The following MYBPC3 variants were observed in gnomAD, a reference collection of about 807,000 sequenced individuals.
MYBPC3 encodes myosin binding protein C3.
Under a neutral mutation model 159.3 loss-of-function variants are expected in MYBPC3, and 108 were observed. That is an observed-to-expected ratio of 0.68 (90% CI 0.58 to 0.80). The LOEUF is 0.80. Among genes scored for constraint, MYBPC3 ranks in the 30% least tolerant of loss-of-function variants. MYBPC3 has a pLI of 0.00. For missense variants in MYBPC3, 1,631 were observed against 1,762.1 expected (o/e 0.93, Z 1.33); for synonymous variants, 730 against 702.0 (o/e 1.04, Z -0.63).
chr11:47,333,915 G>C lies in MYBPC3; in HGVS notation c.2994+7C>G. 6.4e-7 allele frequency: 1 copy of C among 1,567,322 alleles called. No individual in the cohort carries two copies. Among genetic ancestry groups the C allele is most frequent in the South Asian group, 1.2e-5 (1 of 85,208 alleles). On this transcript the variant is annotated splice_region_variant and intron_variant, in intron 28 of 34. Transcript: ENST00000545968. The stretch of plus-strand genomic sequence containing the variant: ...CCCTGGGGGACAGGGAAGGGGGCCA[G>C]TCCCACCTGGAAAGGGATGAGAAGG...
At chr11:47,349,401 C>A (rs2142867286) in intron 5 of MYBPC3, among the ~76,000 whole-genome samples, 1 of 152,248 alleles carries the variant, frequency 6.6e-6, no homozygotes, top group South Asian at 2.1e-4. Flanking sequence ...GATACTCACC[C>A]ATCCAGGGGC....
At chr11:47,352,108 C>T (rs933392315) in intron 1 of MYBPC3, among the ~76,000 whole-genome samples, 1 of 152,044 alleles carries the variant, frequency 6.6e-6, no homozygotes, top group South Asian at 2.1e-4. Context: ...GTGTCACCCT[C>T]AACATGGGGG....
intron 20 of MYBPC3, 23 bp from the exon 21 acceptor site, chr11:47,339,813 C>T: frequency 6.2e-7 from 1 of 1,605,894 alleles, no homozygotes. Flanking sequence ...CAATGTAGTT[C>T]AGAGAAACGG....
Position 47,335,903 on chromosome 11 carries a change from T to C in MYBPC3, c.2711A>G (p.Tyr904Cys). Reference protein sequence around the residue: ...ERVGAGGLDGYSVEYCPEGCS... With the variant: ...ERVGAGGLDGCSVEYCPEGCS... Reference sequence around the variant, plus strand: ...GCCCTCTGGGCAGTACTCCACGCTGTAGCCATCCAGGCCTCCTGCTCCCAC... The same window carrying C: ...GCCCTCTGGGCAGTACTCCACGCTGCAGCCATCCAGGCCTCCTGCTCCCAC... The change falls in exon 26 of 35, where the codon TAC becomes TGC. Residue 904 changes from tyrosine to cysteine, a missense_variant. Tyr to Cys is a radical substitution (Grantham distance 194, BLOSUM62 -2). Transcript: ENST00000545968. 1 of 1,540,378 alleles carries C rather than the reference T, an allele frequency of 6.5e-7. No individual in the cohort carries two copies.
intron 20 of MYBPC3, among the ~76,000 whole-genome samples, chr11:47,340,227 GCA>G (rs960597901): frequency 5.2e-5 from 7 of 135,858 alleles, no homozygotes; most frequent in Non-Finnish European, 9.2e-5. Flanking sequence ...ATACATACAC[GCA>G]CACACACAGA....
Position 47,332,510 on chromosome 11 carries a change from G to A in MYBPC3, c.3627+56C>T, listed in dbSNP as rs908742493. The A allele has an allele frequency of 1.0e-5, 16 of 1,574,318 alleles. No individual in the cohort carries two copies. In the Admixed American group the frequency reaches 1.8e-4, roughly 18 times the overall value. On this transcript the variant is annotated intron_variant, in intron 32 of 34. Coordinates refer to ENST00000545968, the MANE Select transcript of MYBPC3 (RefSeq NM_000256.3). The surrounding 1 kb of genome is among the most constrained non-coding windows in gnomAD (Gnocchi z 4.2). ...GCTGGGGAGAGGACTGCTCAACGTC[G>A]GGGCCTGTGAGCCCTGCCTCCTGGT...
At chr11:47,348,356 GA>G in intron 6 of MYBPC3, 67 bp downstream of exon 6, 4 of 1,187,394 alleles carry the variant, frequency 3.4e-6, no homozygotes, top group Non-Finnish European at 2.4e-6. Flanking sequence ...TTAGTGTTGG[GA>G]AAAGGAGGTA....
At chr11:47,352,125 C>T (rs1026768230) in intron 1 of MYBPC3, among the ~76,000 whole-genome samples, 5 of 152,088 alleles carry the variant, frequency 3.3e-5, no homozygotes, top group Admixed American at 3.3e-4. Flanking sequence ...GGGGCCACAC[C>T]GTACAGGCTC....
At chr11:47,340,072 A>G (rs1449755779) in intron 20 of MYBPC3, among the ~76,000 whole-genome samples, 1 of 151,934 alleles carries the variant, frequency 6.6e-6, no homozygotes, top group Non-Finnish European at 1.5e-5. Flanking sequence ...GCATTTTGAA[A>G]ACTGGGGGAA....
intron 23 of MYBPC3, 55 bp from the exon 24 acceptor site, chr11:47,337,849 A>T (rs1318259998): frequency 1.4e-6 from 2 of 1,476,700 alleles, no homozygotes; most frequent in Non-Finnish European, 1.8e-6. Flanking sequence ...GGCCTTGAGT[A>T]ACGTTGCTCG....
chr11:47,332,446 T>G lies in MYBPC3; in HGVS notation c.3627+120A>C. The stretch of plus-strand genomic sequence containing the variant: ...GCCCTGCCCAGGGGGAGGAACCCGG[T>G]CCATACACCCCAAGGTGGAGAGAAA... On this transcript the variant is annotated intron_variant, in intron 32 of 34. Coordinates refer to ENST00000545968, the MANE Select transcript of MYBPC3 (RefSeq NM_000256.3). This position sits in a 1 kb window ranked among gnomAD's most constrained non-coding sequence, Gnocchi z 4.2. 6.7e-7 allele frequency: 1 copy of G among 1,482,738 alleles called. No individual in the cohort carries two copies. Among genetic ancestry groups the G allele is most frequent in the African/African-American group, 1.4e-5 (1 of 71,576 alleles). 91.8% of individuals were successfully genotyped at this position (1,482,738 alleles called of 1,614,324 possible).
intron 6 of MYBPC3, 87 bp from the exon 7 acceptor site, chr11:47,347,992 TCA>T: frequency 7.7e-7 from 1 of 1,295,932 alleles, no homozygotes; most frequent in Admixed American, 2.0e-5. Flanking sequence ...CTCTGAGTAT[TCA>T]CAGACTTGCC....
Position 47,342,604 on chromosome 11 carries a change from T to C in MYBPC3, c.1598A>G (p.Gln533Arg), listed in dbSNP as rs2095889836. The C allele has an allele frequency of 6.2e-7, 1 of 1,610,838 alleles. No homozygotes were observed. The highest frequency in any genetic ancestry group is 2.2e-5 in the East Asian group (1 of 44,838). Residue 533 changes from glutamine (Q) to arginine (R), a missense_variant, in exon 17 of 35, where the codon CAG becomes CGG. Transcript: ENST00000545968. ...CTGCACAATGAGCTCAGCCAGCGCC[T>C]GGCCCCCGCTAGTGCACAGTGCATA... ...GHYALCTSGG[Q>R]ALAELIVQEK...
At position 47,332,126 on chromosome 11, in the gene MYBPC3, T is replaced by C; in HGVS notation, c.3760A>G (p.Arg1254Gly). 1 of 1,613,660 alleles carries C rather than the reference T, an allele frequency of 6.2e-7. No homozygotes were observed. The highest frequency in any genetic ancestry group is 1.3e-5 in the African/African-American group (1 of 75,082). ...GCCTCGCCCTGTAAGTTGGTGGCCC[T>C]GCAGACATAGATGCCCCCGTCAAAG... ...CPFDGGIYVC[R>G]ATNLQGEARC... Residue 1254 changes from arginine (R) to glycine (G), a missense_variant, in exon 33 of 35, where the codon AGG becomes GGG. Coordinates refer to ENST00000545968, the MANE Select transcript of MYBPC3 (RefSeq NM_000256.3). The surrounding 1 kb of genome is among the most constrained non-coding windows in gnomAD (Gnocchi z 4.2).
chr11:47,349,804 C>G lies in MYBPC3; in HGVS notation c.624G>C (p.Gln208His), dbSNP rs202139499. The G allele has an allele frequency of 1.3e-4, 209 of 1,609,666 alleles. 3 individuals carry two copies. In the Middle Eastern group the frequency reaches 3.0e-3, roughly 23 times the overall value. Residue 208 changes from glutamine (Q) to histidine (H), a missense_variant, in exon 5 of 35, where the codon CAG (glutamine) becomes CAC (histidine). By Grantham distance (24) the Gln-to-His change is conservative. Coordinates refer to ENST00000545968, the MANE Select transcript of MYBPC3 (RefSeq NM_000256.3). ...TGGCGCGGTCGTAGCTGTCGTGCAG[C>G]TGCAGGTGCTGGCCCACCTTGCTGC... ...DLSSKVGQHL[Q>H]LHDSYDRASK...
Position 47,332,081 on chromosome 11 carries a change from C to T in MYBPC3, c.3805G>A (p.Glu1269Lys). The T allele has an allele frequency of 6.2e-7, 1 of 1,610,206 alleles. No individual in the cohort carries two copies. Among genetic ancestry groups the T allele is most frequent in the African/African-American group, 1.3e-5 (1 of 74,962 alleles). ...QGEARCECRLEVRVPQ is the reference protein window; with the variant it reads ...QGEARCECRLKVRVPQ ...CCCGAGGGCTCCTCACCTCGCACCT[C>T]CAGGCGGCACTCACACCGTGCCTCG... is the stretch of plus-strand genomic sequence containing the variant. Residue 1269 changes from glutamate (E) to lysine (K), a missense_variant, in exon 33 of 35, where the codon GAG (glutamate) becomes AAG (lysine). Coordinates refer to ENST00000545968, the MANE Select transcript of MYBPC3 (RefSeq NM_000256.3). The surrounding 1 kb of genome is among the most constrained non-coding windows in gnomAD (Gnocchi z 4.2).
rs370952321 is a variant in MYBPC3 at position 47,332,958 on chromosome 11, A to C, written c.3346T>G (p.Leu1116Val). ...CAGTGGGTGCGGCGGTAATGCTCCA[A>C]GACGGTGAACCACTCCTGGGGGCAG... ...DKKTMEWFTV[L>V]EHYRRTHCVV... is the part of the protein sequence containing the mutation. The change falls in exon 31 of 35, where the codon TTG becomes GTG. Residue 1116 changes from leucine to valine, a missense_variant. Physicochemically the swap from Leu to Val is conservative, Grantham distance 32. Coordinates refer to ENST00000545968, the MANE Select transcript of MYBPC3 (RefSeq NM_000256.3). This position sits in a 1 kb window ranked among gnomAD's most constrained non-coding sequence, Gnocchi z 4.2. The C allele has an allele frequency of 1.2e-6, 2 of 1,610,420 alleles. No individual in the cohort carries two copies. The highest frequency in any genetic ancestry group is 1.7e-5 in the Admixed American group (1 of 59,568).
intron 2 of MYBPC3, 147 bp from the exon 3 acceptor site, chr11:47,350,762 CAG>C: frequency 7.8e-7 from 1 of 1,285,978 alleles, no homozygotes; most frequent in Non-Finnish European, 1.0e-6. Context: ...CCCTCAGAGG[CAG>C]CTCATGCTGA....
In MYBPC3 at chr11:47,346,121, G is replaced by A; in HGVS notation, c.1090+86C>T. 1 of 1,554,548 alleles carries A rather than the reference G, an allele frequency of 6.4e-7. No homozygotes were observed. ...CTGTGCCCTCTCCTCTCCCCTGTGG[G>A]GAAGGGCTAACCTATGCCCTCTCCT... On this transcript the variant is annotated intron_variant, in intron 12 of 34. Coordinates refer to ENST00000545968, the MANE Select transcript of MYBPC3 (RefSeq NM_000256.3). The surrounding 1 kb of genome is among the most constrained non-coding windows in gnomAD (Gnocchi z 5.3).
Sources: gnomAD v4.1 joint callset for allele counts (sites outside exome capture counted in the v4.1 genomes callset) on GRCh38, gnomAD v4.1.1 for gene constraint, Gnocchi (gnomAD v3.1) non-coding constraint, MANE v1.5 for transcripts, NCBI Gene and HGNC (gene_info 2026-07-23, HGNC 2026-07-21) for gene names.